PARM1: variants seen among roughly 807,000 people sequenced by gnomAD.
PARM1 encodes prostate androgen-regulated mucin-like protein 1.
A neutral mutation model predicts 24.6 loss-of-function variants in PARM1; 14 were observed. That is an observed-to-expected ratio of 0.57 (90% CI 0.38 to 0.89). The LOEUF is 0.89. Ranked by LOEUF, PARM1 falls within the 40% of genes least tolerant of loss-of-function variation. PARM1 has a pLI of 0.00. For synonymous variants in PARM1, 179 were observed against 156.6 expected (o/e 1.14, Z -1.07); for missense variants, 362 against 380.4 (o/e 0.95, Z 0.40).
Position 74,964,553 on chromosome 4 carries a change from G to GCACACACACACACA in PARM1, c.43+31196_43+31209dup, listed in dbSNP as rs35380033. Among the ~76,000 whole-genome samples the GCACACACACACACA allele has an allele frequency of 3.8e-3, 551 of 143,382 alleles. 1 individual carries two copies. Among genetic ancestry groups the GCACACACACACACA allele is most frequent in the Middle Eastern group, 0.028 (8 of 286 alleles). The allele number at this position is 143,382 out of a possible 152,430, so 94.1% of individuals were successfully genotyped here. On this transcript the variant is annotated intron_variant, in intron 1 of 3. Coordinates refer to ENST00000307428, the MANE Select transcript of PARM1 (RefSeq NM_015393.4). ...ATCAACTCCTTCCACACCTGGCAAA[G>GCACACACACACACA]CACACACACACACACACACACACAC...
chr4:74,990,378 A>G (rs1317851577), intron 1 of PARM1, among the ~76,000 whole-genome samples: 2 of 152,138 alleles, frequency 1.3e-5, no homozygotes, highest in Non-Finnish European at 2.9e-5. Context: ...TTCATCTACA[A>G]TATCAATGTT....
rs779827328 is a variant in PARM1, at chr4:75,012,883, G to A, written c.502G>A (p.Val168Ile). ...ATCCCTATCAACCTCACCACCTGAG[G>A]TCTTTTCTGCCTCCGTTACTACCAA... ...PSSLSTSPPE[V>I]FSASVTTNHS... The change falls in exon 2 of 4, where the codon GTC (valine) becomes ATC (isoleucine). Residue 168 changes from valine to isoleucine, a missense_variant. By Grantham distance (29) the Val-to-Ile change is conservative (BLOSUM62 3). Transcript: ENST00000307428. The A allele has an allele frequency of 1.2e-6, 2 of 1,613,934 alleles. No individual in the cohort carries two copies. The highest frequency in any genetic ancestry group is 1.7e-5 in the Admixed American group (1 of 60,016).
At chr4:74,957,607 A>G (rs999112903) in intron 1 of PARM1, among the ~76,000 whole-genome samples, 1 of 152,210 alleles carries the variant, frequency 6.6e-6, no homozygotes. Flanking sequence ...AAGCAAACAG[A>G]TGATTCAATA....
chr4:74,992,063 A>G (rs909852518), intron 1 of PARM1, among the ~76,000 whole-genome samples: 3 of 152,114 alleles, frequency 2.0e-5, no homozygotes, highest in African/African-American at 7.2e-5. Flanking sequence ...TGAACAGCCA[A>G]ATAAAGAGAT....
At chr4:74,953,641 A>T (rs1721573142) in intron 1 of PARM1, among the ~76,000 whole-genome samples, 2 of 152,266 alleles carry the variant, frequency 1.3e-5, no homozygotes, top group African/African-American at 4.8e-5. Flanking sequence ...AGGGGTGAGC[A>T]GGTCAACCAG....
At chr4:75,025,825 T>G (rs1723173605) in intron 2 of PARM1, among the ~76,000 whole-genome samples, 1 of 152,236 alleles carries the variant, frequency 6.6e-6, no homozygotes, top group Non-Finnish European at 1.5e-5. Context: ...CCAGGTCTTC[T>G]GATGACATGA....
chr4:74,982,415 A>G (rs1040552921), intron 1 of PARM1, among the ~76,000 whole-genome samples: 7 of 152,228 alleles, frequency 4.6e-5, no homozygotes, highest in African/African-American at 1.7e-4. Flanking sequence ...TACTTATGTA[A>G]CAAACCTGTA....
At chr4:74,987,003 AC>A (rs1215709775) in intron 1 of PARM1, among the ~76,000 whole-genome samples, 1 of 152,192 alleles carries the variant, frequency 6.6e-6, no homozygotes, top group African/African-American at 2.4e-5. Context: ...GACTGTAAGC[AC>A]TTGAGTTTAA....
rs141895929 is a variant in PARM1 at position 74,992,471 on chromosome 4, T to G, written c.44-19954T>G. Among the ~76,000 whole-genome samples the G allele has an allele frequency of 7.1e-3, 1,083 of 152,172 alleles. 4 individuals carry two copies. The highest frequency in any genetic ancestry group is 0.011 in the Non-Finnish European group (753 of 68,008). ...ATTTTTTCAAATTTGATGAAAACTA[T>G]AAATTTAGAAATCCAAGAAACTCAA... On this transcript the variant is annotated intron_variant, in intron 1 of 3. Transcript: ENST00000307428.
At chr4:74,968,901 T>C (rs1721965553) in intron 1 of PARM1, among the ~76,000 whole-genome samples, 1 of 152,214 alleles carries the variant, frequency 6.6e-6, no homozygotes, top group East Asian at 1.9e-4. Flanking sequence ...GTTCCAGTCA[T>C]TCTGAGAATA....
chr4:74,951,287 G>A (rs763742899), intron 1 of PARM1, among the ~76,000 whole-genome samples: 1 of 152,134 alleles, frequency 6.6e-6, no homozygotes, highest in Non-Finnish European at 1.5e-5. Flanking sequence ...ACATCACCAC[G>A]CCTGCAGTAA....
intron 1 of PARM1, among the ~76,000 whole-genome samples, chr4:74,982,862 C>T (rs185965818): frequency 2.8e-4 from 43 of 152,334 alleles, no homozygotes; most frequent in Admixed American, 2.6e-3. Flanking sequence ...ATCATTATCA[C>T]TCCTTCAGTC....
At chr4:74,984,696 C>T (rs569582823) in intron 1 of PARM1, among the ~76,000 whole-genome samples, 8 of 152,260 alleles carry the variant, frequency 5.3e-5, no homozygotes, top group Admixed American at 2.0e-4. Context: ...ATTAACATAG[C>T]GTAGACTGTT....
intron 1 of PARM1, among the ~76,000 whole-genome samples, chr4:75,009,936 G>A (rs1197759327): frequency 6.6e-6 from 1 of 152,010 alleles, no homozygotes; most frequent in Non-Finnish European, 1.5e-5. Context: ...ATGAGCAAAG[G>A]GTATGGCATT....
At chr4:74,946,119 C>T (rs142260026) in intron 1 of PARM1, among the ~76,000 whole-genome samples, 8 of 152,286 alleles carry the variant, frequency 5.3e-5, no homozygotes, top group South Asian at 4.1e-4. Context: ...CTAGAAAGTA[C>T]GCAGTACTAT....
intron 1 of PARM1, chr4:74,956,854 A>G (rs1414158703): frequency 2.0e-5 from 3 of 152,248 alleles, no homozygotes; most frequent in Admixed American, 6.5e-5. Flanking sequence ...TGATTTATAT[A>G]TTTTGATTTT....
chr4:75,012,556 G>A lies in PARM1; in HGVS notation c.175G>A (p.Gly59Ser), dbSNP rs754934644. Residue 59 changes from glycine (G) to serine (S), a missense_variant, in exon 2 of 4, where the codon GGC becomes AGC. Physicochemically the swap from Gly to Ser is moderately conservative, Grantham distance 56. Coordinates refer to ENST00000307428, the MANE Select transcript of PARM1 (RefSeq NM_015393.4). ...TDADTASPSN[G>S]THNNSVLPVT... ...TGCAGACACTGCCTCCCCATCCAACGGCACTCACAACAACTCGGTGCTCCC... is the reference window on the plus strand; with the variant it reads ...TGCAGACACTGCCTCCCCATCCAACAGCACTCACAACAACTCGGTGCTCCC... 8.7e-6 allele frequency: 14 copies of A among 1,613,822 alleles called. No homozygotes were observed. The highest frequency in any genetic ancestry group is 3.3e-5 in the Admixed American group (2 of 60,000).
At chr4:75,021,109 T>C (rs1249545291) in intron 2 of PARM1, among the ~76,000 whole-genome samples, 2 of 152,226 alleles carry the variant, frequency 1.3e-5, no homozygotes, top group African/African-American at 2.4e-5. Context: ...TTTCAATAAA[T>C]GTCCAATGAA....
intron 1 of PARM1, among the ~76,000 whole-genome samples, chr4:74,958,969 G>A (rs939990002): frequency 2.5e-4 from 38 of 152,080 alleles, no homozygotes; most frequent in Non-Finnish European, 4.3e-4. Context: ...TCTTTTTAAA[G>A]AAAAAGATCT....
Sources: allele counts gnomAD v4.1 joint callset (sites outside exome capture counted in the v4.1 genomes callset), GRCh38; gene constraint gnomAD v4.1.1; transcripts MANE v1.5; gene names NCBI Gene and HGNC (gene_info 2026-07-23, HGNC 2026-07-21).